Variants in CDKN2B-AS1 observed in about 807,000 individuals in gnomAD.
CDKN2B-AS1 encodes CDKN2B antisense RNA 1 (non-protein coding).
intron 4 of CDKN2B-AS1, among the ~76,000 whole-genome samples, chr9:22,076,875 G>A (rs1824514156): frequency 6.6e-6 from 1 of 151,952 alleles, no homozygotes. Flanking sequence ...GTAGAGACAG[G>A]GTTTCACCAT....
At chr9:22,071,014 G>A (rs796759944) in intron 4 of CDKN2B-AS1, among the ~76,000 whole-genome samples, 7 of 152,110 alleles carry the variant, frequency 4.6e-5, no homozygotes, top group African/African-American at 1.7e-4. Flanking sequence ...ATTAGGTCCT[G>A]GTGATGTGAT....
intron 4 of CDKN2B-AS1, among the ~76,000 whole-genome samples, chr9:22,113,145 G>T (rs1360466610): frequency 6.6e-6 from 1 of 152,174 alleles, no homozygotes; most frequent in East Asian, 1.9e-4. Flanking sequence ...GGCTCGGCTG[G>T]GTTCTCTGCT....
At chr9:22,093,949 C>G (rs1825185948) in intron 4 of CDKN2B-AS1, among the ~76,000 whole-genome samples, 2 of 144,560 alleles carry the variant, frequency 1.4e-5, no homozygotes, top group Admixed American at 1.3e-4. Flanking sequence ...TTTGCAGTGG[C>G]TGGTAGTGGT....
At chr9:22,026,619 C>A (rs1296986024) in intron 1 of CDKN2B-AS1, among the ~76,000 whole-genome samples, 6 of 152,188 alleles carry the variant, frequency 3.9e-5, no homozygotes, top group African/African-American at 1.4e-4. Flanking sequence ...GCCTGTAGAC[C>A]TTCTCTGCTG....
At chr9:22,103,703 G>A (rs1006278054) in intron 4 of CDKN2B-AS1, among the ~76,000 whole-genome samples, 22 of 152,144 alleles carry the variant, frequency 1.4e-4, no homozygotes, top group African/African-American at 4.8e-4. Flanking sequence ...CTCCACATTT[G>A]CTTTTAAAAC....
intron 1 of CDKN2B-AS1, chr9:22,008,586 A>C: frequency 7.1e-7 from 1 of 1,400,154 alleles, no homozygotes; most frequent in Non-Finnish European, 9.6e-7. Flanking sequence ...AACAAAAACC[A>C]CTAAAAAAAG....
chr9:22,032,638 T>C (rs527277175), intron 1 of CDKN2B-AS1: 1 of 152,098 alleles, frequency 6.6e-6, no homozygotes, highest in South Asian at 2.1e-4. Context: ...GCTTTGTTTG[T>C]ACACTCATTT....
At chr9:22,064,555 C>A in intron 4 of CDKN2B-AS1, among the ~76,000 whole-genome samples, 1 of 152,142 alleles carries the variant, frequency 6.6e-6, no homozygotes, top group East Asian at 1.9e-4. Flanking sequence ...GAATGGAAAC[C>A]TTAATTGGAA....
rs554181032 is a variant in CDKN2B-AS1, at chr9:22,043,489, A to G, written n.30-3262A>G. Among the ~76,000 whole-genome samples the G allele has an allele frequency of 3.3e-5, 5 of 152,070 alleles. No individual in the cohort carries two copies. In the South Asian group the frequency reaches 1.0e-3, roughly 32 times the overall value. ...AGTGTTCAGTTCTTGGGCACATATT[A>G]ATATACTTGCCTAGATGAAGACTAT... On this transcript the variant is annotated intron_variant and non_coding_transcript_variant, in intron 1 of 4. Coordinates refer to ENST00000650946, the Ensembl canonical transcript of CDKN2B-AS1.
At position 21,997,835 on chromosome 9, in the gene CDKN2B-AS1, C is replaced by T. The variant is rs1048180460; in HGVS notation, n.29+2674C>T. 2.6e-5 allele frequency among the ~76,000 whole-genome samples: 4 copies of T among 152,208 alleles called. No individual in the cohort carries two copies. The highest frequency in any genetic ancestry group is 3.9e-4 in the East Asian group (2 of 5,176). On this transcript the variant is annotated intron_variant and non_coding_transcript_variant, in intron 1 of 4. Transcript: ENST00000650946. This position sits in a 1 kb window ranked among gnomAD's most constrained non-coding sequence, Gnocchi z 4.8. ...ACCACAGCCTAGCCAAGTTGACATACCAAATTAACTGTCACATTATCCCGT... is the reference window on the plus strand; with the variant it reads ...ACCACAGCCTAGCCAAGTTGACATATCAAATTAACTGTCACATTATCCCGT...
In CDKN2B-AS1 at chr9:22,000,310, T is replaced by C. The variant is rs567755719; in HGVS notation, n.29+5149T>C. Among the ~76,000 whole-genome samples, 255 of 152,222 alleles carry C rather than the reference T, an allele frequency of 1.7e-3. 5 individuals carry two copies. Among genetic ancestry groups the C allele is most frequent in the African/African-American group, 5.9e-3 (245 of 41,538 alleles). On this transcript the variant is annotated intron_variant and non_coding_transcript_variant, in intron 1 of 4. Coordinates refer to ENST00000650946, the Ensembl canonical transcript of CDKN2B-AS1. This position sits in a 1 kb window ranked among gnomAD's most constrained non-coding sequence, Gnocchi z 4.1. ...GACATAAGACATACTTGGGAGCAAA[T>C]GTATAATAAAGTGGTATGCTTCCCT...
At chr9:22,121,370 TA>T in intron 4 of CDKN2B-AS1, among the ~76,000 whole-genome samples, 1 of 150,730 alleles carries the variant, frequency 6.6e-6, no homozygotes, top group South Asian at 2.1e-4. Flanking sequence ...CTTTTAAAAC[TA>T]AAAAAAAACT....
At chr9:22,060,805 C>T (rs1275676761) in intron 4 of CDKN2B-AS1, among the ~76,000 whole-genome samples, 2 of 152,068 alleles carry the variant, frequency 1.3e-5, no homozygotes, top group Non-Finnish European at 2.9e-5. Context: ...GTGGCAGTGG[C>T]AAGAGTAAAA....
intron 1 of CDKN2B-AS1, chr9:22,009,199 C>T (rs1821364896): frequency 1.6e-6 from 1 of 621,146 alleles, no homozygotes; most frequent in Non-Finnish European, 2.8e-6. Flanking sequence ...TGGATTGCTT[C>T]TGGGAAAAAG....
intron 4 of CDKN2B-AS1, among the ~76,000 whole-genome samples, chr9:22,069,327 A>G (rs1824193499): frequency 7.7e-6 from 1 of 130,400 alleles, no homozygotes; most frequent in Admixed American, 8.4e-5. Flanking sequence ...TAACAAATTC[A>G]CAAAGTACAT....
rs758002977 is a variant in CDKN2B-AS1, at chr9:22,008,722, T to G, written n.29+13561T>G. 9.9e-6 allele frequency: 16 copies of G among 1,611,154 alleles called. No individual in the cohort carries two copies. In the South Asian group the frequency reaches 1.8e-4, roughly 18 times the overall value. ...TACAAATCTACATCGGCGATCTAGG[T>G]TCCAGCCCCGATCCGCCGAGGCCGC... On this transcript the variant is annotated intron_variant and non_coding_transcript_variant, in intron 1 of 4. Transcript: ENST00000650946.
chr9:22,109,154 A>C (rs1385260267), intron 4 of CDKN2B-AS1, among the ~76,000 whole-genome samples: 1 of 152,212 alleles, frequency 6.6e-6, no homozygotes, highest in Non-Finnish European at 1.5e-5. Context: ...CAAGGAATGA[A>C]AGTGTTTTGC....
In CDKN2B-AS1 at chr9:22,062,179, GTTC is replaced by G. The variant is rs1224681572; in HGVS notation, n.438+5794_438+5796del. On this transcript the variant is annotated intron_variant and non_coding_transcript_variant, in intron 4 of 4. Coordinates refer to ENST00000650946, the Ensembl canonical transcript of CDKN2B-AS1. ...CTATATCTCTGCTGGCTCCCTATCA[GTTC>G]TAGAGCTAGTTCAAGTGAAGCCTCC... Among the ~76,000 whole-genome samples the G allele has an allele frequency of 2.6e-5, 4 of 152,282 alleles. No homozygotes were observed. The East Asian group carries it at 7.7e-4, about 29-fold the overall frequency.
chr9:22,127,578 G>A (rs1032121919), exon 5 of CDKN2B-AS1, among the ~76,000 whole-genome samples: 1 of 152,140 alleles, frequency 6.6e-6, no homozygotes, highest in Non-Finnish European at 1.5e-5. Context: ...GCATTTTTGT[G>A]TTTTTGGAGG....
Sources: gnomAD v4.1 joint callset for allele counts (sites outside exome capture counted in the v4.1 genomes callset) on GRCh38, gnomAD v4.1.1 for gene constraint, Gnocchi (gnomAD v3.1) non-coding constraint, MANE v1.5 for transcripts, NCBI Gene and HGNC (gene_info 2026-07-23, HGNC 2026-07-21) for gene names.